The following ELK3 variants were observed in gnomAD, a reference collection of about 807,000 sequenced individuals.
ELK3 encodes ETS domain-containing protein Elk-3.
Under a neutral mutation model 28.9 loss-of-function variants are expected in ELK3, and 10 were observed. The observed-to-expected ratio is 0.35, with a 90% CI of 0.21 to 0.59. ELK3 has a LOEUF of 0.59. Among genes scored for constraint, ELK3 ranks in the 20% least tolerant of loss-of-function variants. The pLI is 0.82. For synonymous variants in ELK3, 272 were observed against 243.5 expected (o/e 1.12, Z -1.09); for missense variants, 463 against 517.3 (o/e 0.90, Z 1.02).
At chr12:96,251,223 G>A (rs976621316) in intron 3 of ELK3, among the ~76,000 whole-genome samples, 1 of 152,032 alleles carries the variant, frequency 6.6e-6, no homozygotes, top group Non-Finnish European at 1.5e-5. Context: ...TACTACTATT[G>A]TCATTGTTTT....
intron 3 of ELK3, among the ~76,000 whole-genome samples, chr12:96,257,327 A>G (rs942292953): frequency 2.0e-5 from 3 of 152,176 alleles, no homozygotes; most frequent in African/African-American, 7.2e-5. Flanking sequence ...GAATGAAATC[A>G]TTTTACAGTG....
At chr12:96,217,040 A>G (rs899760013) in intron 1 of ELK3, among the ~76,000 whole-genome samples, 2 of 152,238 alleles carry the variant, frequency 1.3e-5, no homozygotes, top group Admixed American at 1.3e-4. Flanking sequence ...GAGTTGCTTC[A>G]GGCCAGGAGT....
chr12:96,225,288 G>C (rs1326116629), intron 2 of ELK3, among the ~76,000 whole-genome samples: 1 of 152,218 alleles, frequency 6.6e-6, no homozygotes, highest in Admixed American at 6.5e-5. Flanking sequence ...TCCTCCCTCT[G>C]TGTCTGGGAC....
intron 1 of ELK3, among the ~76,000 whole-genome samples, chr12:96,200,878 G>T (rs986915928): frequency 6.6e-6 from 1 of 151,968 alleles, no homozygotes; most frequent in Admixed American, 6.6e-5. Context: ...GGCCAGGCTG[G>T]TCTCAAACTC....
chr12:96,237,229 T>C (rs1055718277), intron 2 of ELK3, among the ~76,000 whole-genome samples: 1 of 152,172 alleles, frequency 6.6e-6, no homozygotes, highest in Admixed American at 6.5e-5. Flanking sequence ...AAGATTGCCT[T>C]GGTGAGAAGC....
intron 1 of ELK3, among the ~76,000 whole-genome samples, chr12:96,200,745 C>T (rs906985353): frequency 6.6e-6 from 1 of 152,232 alleles, no homozygotes; most frequent in Admixed American, 6.5e-5. Flanking sequence ...GCACTGCAAC[C>T]TCCGCCTCCT....
intron 2 of ELK3, among the ~76,000 whole-genome samples, chr12:96,234,310 C>T (rs528370944): frequency 1.3e-5 from 2 of 152,296 alleles, no homozygotes; most frequent in East Asian, 3.9e-4. Flanking sequence ...GCCAGGGGCT[C>T]GGCTGCCAAA....
chr12:96,240,201 GATC>G (rs1432588180), intron 2 of ELK3, among the ~76,000 whole-genome samples: 8 of 152,326 alleles, frequency 5.3e-5, no homozygotes, highest in African/African-American at 1.7e-4. Flanking sequence ...CTGTGCAACT[GATC>G]ATGTTACCCA....
At chr12:96,245,172 C>T (rs749404153) in intron 2 of ELK3, among the ~76,000 whole-genome samples, 12 of 152,178 alleles carry the variant, frequency 7.9e-5, no homozygotes, top group Non-Finnish European at 1.2e-4. Flanking sequence ...ATGTGCCCTT[C>T]GCTGCCATCA....
At chr12:96,242,311 C>T (rs1320141195) in intron 2 of ELK3, among the ~76,000 whole-genome samples, 3 of 152,182 alleles carry the variant, frequency 2.0e-5, no homozygotes, top group East Asian at 1.9e-4. Context: ...GTACAAGCTT[C>T]CAACAGTGTA....
intron 3 of ELK3, among the ~76,000 whole-genome samples, chr12:96,250,122 A>G (rs537614616): frequency 2.6e-4 from 39 of 151,044 alleles, no homozygotes; most frequent in African/African-American, 9.5e-4. Context: ...AAGGAGGAGG[A>G]GGGGCACCAG....
intron 2 of ELK3, among the ~76,000 whole-genome samples, chr12:96,234,995 GC>G (rs1392399731): frequency 3.3e-5 from 5 of 152,178 alleles, no homozygotes; most frequent in Admixed American, 6.5e-5. Context: ...TGGAAAAACT[GC>G]TGGCAAGATT....
At chr12:96,242,423 TTAGAAGATAGCC>T (rs1447357987) in intron 2 of ELK3, among the ~76,000 whole-genome samples, 1 of 152,220 alleles carries the variant, frequency 6.6e-6, no homozygotes, top group Non-Finnish European at 1.5e-5. Flanking sequence ...TGACAGGTTC[TTAGAAGATAGCC>T]TGACAAATAA....
chr12:96,246,939 G>T lies in ELK3; in HGVS notation c.208-1G>T. 1 of 1,586,338 alleles carries T rather than the reference G, an allele frequency of 6.3e-7. No homozygotes were observed. Among genetic ancestry groups the T allele is most frequent in the South Asian group, 1.1e-5 (1 of 87,922 alleles). ...TTCAACGTCTACTTTTGTATTTGCA[G>T]AACATCATCAAGAAGGTGATCGGGC... On this transcript the variant is annotated splice_acceptor_variant, in intron 2 of 4. Transcript: ENST00000228741. LOFTEE classifies it high-confidence loss of function.
At chr12:96,205,247 C>T (rs957255401) in intron 1 of ELK3, among the ~76,000 whole-genome samples, 2 of 152,228 alleles carry the variant, frequency 1.3e-5, no homozygotes, top group Admixed American at 1.3e-4. Flanking sequence ...TCCTGATCAC[C>T]TCAGCACATC....
intron 1 of ELK3, chr12:96,198,288 C>T (rs1951485332): frequency 6.6e-6 from 1 of 152,206 alleles, no homozygotes; most frequent in South Asian, 2.1e-4. Context: ...CCTTGCACTC[C>T]TGGGCTCAAG....
chr12:96,262,592 C>T (rs1008115540), intron 4 of ELK3, among the ~76,000 whole-genome samples: 4 of 151,752 alleles, frequency 2.6e-5, no homozygotes, highest in Non-Finnish European at 4.4e-5. Flanking sequence ...GTGGCTGGAT[C>T]CAGGAGACTA....
intron 4 of ELK3, among the ~76,000 whole-genome samples, chr12:96,262,209 G>A (rs552143487): frequency 1.2e-4 from 18 of 152,156 alleles, no homozygotes; most frequent in Admixed American, 1.0e-3. Context: ...AGTAGAGATG[G>A]AGTTTTGCCA....
At chr12:96,195,731 C>A (rs1490428542) in intron 1 of ELK3, among the ~76,000 whole-genome samples, 1 of 152,128 alleles carries the variant, frequency 6.6e-6, no homozygotes, top group Non-Finnish European at 1.5e-5. Flanking sequence ...CCATGCGCTT[C>A]CGCTTTGAAA....
Sources: gnomAD v4.1 joint callset for allele counts (sites outside exome capture counted in the v4.1 genomes callset) on GRCh38, gnomAD v4.1.1 for gene constraint, MANE v1.5 for transcripts, NCBI Gene and HGNC (gene_info 2026-07-23, HGNC 2026-07-21) for gene names.